The following DOK5 variants were observed in gnomAD, a reference collection of about 807,000 sequenced individuals.
The protein encoded by DOK5 is downstream of tyrosine kinase 5.
DOK5 carries 27 observed loss-of-function variants against 43.3 expected under a neutral mutation model. That is an observed-to-expected ratio of 0.62 (90% CI 0.46 to 0.86). The LOEUF (loss-of-function observed/expected upper bound fraction) is 0.86. Among genes scored for constraint, DOK5 ranks in the 40% least tolerant of loss-of-function variants. The probability of loss-of-function intolerance (pLI) is 0.00; values close to 1 mark genes in which losing one functional copy is unlikely to be tolerated. For missense variants in DOK5, 373 were observed against 392.9 expected (o/e 0.95, Z 0.43); for synonymous variants, 146 against 140.1 (o/e 1.04, Z -0.30).
intron 6 of DOK5, among the ~76,000 whole-genome samples, chr20:54,622,839 A>C (rs568134226): frequency 1.0e-3 from 156 of 152,246 alleles, no homozygotes; most frequent in Middle Eastern, 0.01. Flanking sequence ...AGATAGAAAT[A>C]GTGATGAGGA....
chr20:54,498,598 GTTTACT>G (rs1297522187), intron 1 of DOK5, among the ~76,000 whole-genome samples: 1 of 152,142 alleles, frequency 6.6e-6, no homozygotes, highest in African/African-American at 2.4e-5. Flanking sequence ...TTGATAATTT[GTTTACT>G]TTTAATTTTT....
rs189438267 is a variant in DOK5 at position 54,513,757 on chromosome 20, T to C, written c.66+37745T>C. On this transcript the variant is annotated intron_variant, in intron 1 of 7. Coordinates refer to ENST00000262593, the MANE Select transcript of DOK5 (RefSeq NM_018431.5). ...TGACTATCCTTTGTCTTCTGCAGAA[T>C]AGGGTAAAAAAGAAAACACAATTAT... 2.0e-5 allele frequency among the ~76,000 whole-genome samples: 3 copies of C among 152,304 alleles called. No homozygotes were observed. The East Asian group carries it at 5.8e-4, about 29-fold the overall frequency.
chr20:54,598,812 G>A (rs1055403078), intron 5 of DOK5, among the ~76,000 whole-genome samples: 7 of 152,102 alleles, frequency 4.6e-5, no homozygotes, highest in African/African-American at 1.7e-4. Context: ...GTTCACAAGC[G>A]GTTTTTGAAA....
At chr20:54,550,446 T>C (rs1422026994) in intron 1 of DOK5, among the ~76,000 whole-genome samples, 1 of 152,208 alleles carries the variant, frequency 6.6e-6, no homozygotes, top group Non-Finnish European at 1.5e-5. Flanking sequence ...GACATTGATA[T>C]TGATGTAGTC....
chr20:54,488,283 T>A (rs1420914966), intron 1 of DOK5, among the ~76,000 whole-genome samples: 2 of 152,210 alleles, frequency 1.3e-5, no homozygotes, highest in Non-Finnish European at 2.9e-5. Flanking sequence ...TTTGTCCTCT[T>A]GGAGAAGTCT....
chr20:54,583,710 C>G (rs1405809955), intron 2 of DOK5, among the ~76,000 whole-genome samples: 3 of 152,104 alleles, frequency 2.0e-5, no homozygotes. Flanking sequence ...CCCTACTCTT[C>G]TTTTGACTGC....
Position 54,503,736 on chromosome 20 carries a change from G to A in DOK5, c.66+27724G>A, listed in dbSNP as rs191133631. 6.2e-4 allele frequency among the ~76,000 whole-genome samples: 94 copies of A among 152,052 alleles called. 2 individuals carry two copies. The East Asian group carries it at 0.018, about 28-fold the overall frequency. Reference sequence around the variant, plus strand: ...ATTAGAGGTTTGGTTTGGGGATTTTGGGGATTATTTCTTTTGCACTTGTAG... The same window carrying A: ...ATTAGAGGTTTGGTTTGGGGATTTTAGGGATTATTTCTTTTGCACTTGTAG... On this transcript the variant is annotated intron_variant, in intron 1 of 7. Transcript: ENST00000262593.
rs142178894 is a variant in DOK5 at position 54,496,533 on chromosome 20, C to G, written c.66+20521C>G. ...CTGTAATCCCAGCACTTTGGGAGGC[C>G]AAGGCGGGTGGATCAGGAGGTCAGG... On this transcript the variant is annotated intron_variant, in intron 1 of 7. Coordinates refer to ENST00000262593, the MANE Select transcript of DOK5 (RefSeq NM_018431.5). 1.0e-2 allele frequency among the ~76,000 whole-genome samples: 1,520 copies of G among 152,026 alleles called. 29 individuals carry two copies. Among genetic ancestry groups the G allele is most frequent in the African/African-American group, 0.035 (1,447 of 41,472 alleles).
At chr20:54,577,192 T>A (rs6098097) in intron 2 of DOK5, among the ~76,000 whole-genome samples, 31,102 of 152,184 alleles carry the variant, frequency 0.2, 3,581 homozygotes, top group African/African-American at 0.3. Context: ...ACTTTATTGA[T>A]CCTTGTAATG....
intron 2 of DOK5, among the ~76,000 whole-genome samples, chr20:54,575,597 T>G (rs1425138028): frequency 6.6e-6 from 1 of 152,128 alleles, no homozygotes; most frequent in East Asian, 1.9e-4. Flanking sequence ...CCCGCCACCA[T>G]GCCTAGCTAA....
chr20:54,646,248 G>GTTTTATTTTTTTTTTTTTTTTTTTTTT (rs1979415277), intron 7 of DOK5, among the ~76,000 whole-genome samples: 1 of 79,922 alleles, frequency 1.3e-5, no homozygotes, highest in African/African-American at 5.3e-5. Context: ...TGGTTATACT[G>GTTTTATTTTTTTTTTTTTTTTTTTTTT]TTTTTTTTTT....
intron 2 of DOK5, among the ~76,000 whole-genome samples, chr20:54,571,136 G>A (rs1256604084): frequency 6.6e-6 from 1 of 152,148 alleles, no homozygotes; most frequent in Non-Finnish European, 1.5e-5. Flanking sequence ...TGGAATCACA[G>A]TACTTTGTGT....
At chr20:54,630,187 A>G (rs150902457) in intron 6 of DOK5, among the ~76,000 whole-genome samples, 4 of 152,292 alleles carry the variant, frequency 2.6e-5, no homozygotes, top group Non-Finnish European at 4.4e-5. Context: ...TATCTAGGTG[A>G]GCATCGGGGT....
chr20:54,614,682 T>C (rs575063075), intron 6 of DOK5, among the ~76,000 whole-genome samples: 1 of 152,356 alleles, frequency 6.6e-6, no homozygotes, highest in South Asian at 2.1e-4. Context: ...TTGCTCTTAA[T>C]TTGCTGTATG....
Position 54,591,626 on chromosome 20 carries a change from T to C in DOK5, c.420T>C (p.Asn140=), listed in dbSNP as rs1368545465. ...GVEREQSERF[N]VYLMPSPNLD... Reference sequence around the variant, plus strand: ...TTGTTTTTCTCCCAGAGAGATTCAATGTGTATTTGATGCCATCTCCTAACT... The same window carrying C: ...TTGTTTTTCTCCCAGAGAGATTCAACGTGTATTTGATGCCATCTCCTAACT... The change falls in exon 5 of 8, where the codon AAT becomes AAC. Residue 140 remains asparagine, a synonymous_variant. Transcript: ENST00000262593. 1 of 1,603,536 alleles carries C rather than the reference T, an allele frequency of 6.2e-7. No individual in the cohort carries two copies. Among genetic ancestry groups the C allele is most frequent in the Non-Finnish European group, 8.5e-7 (1 of 1,174,994 alleles).
intron 5 of DOK5, among the ~76,000 whole-genome samples, chr20:54,604,745 A>T (rs1036665879): frequency 1.3e-5 from 2 of 152,156 alleles, no homozygotes; most frequent in African/African-American, 4.8e-5. Flanking sequence ...TCATGCCTGT[A>T]ATCCCAGCAC....
At chr20:54,582,153 T>C (rs1985665979) in intron 2 of DOK5, among the ~76,000 whole-genome samples, 1 of 151,966 alleles carries the variant, frequency 6.6e-6, no homozygotes, top group Admixed American at 6.5e-5. Flanking sequence ...CTTTCTTCTG[T>C]TAATGTGGTG....
At chr20:54,648,356 A>C (rs557289632) in intron 7 of DOK5, among the ~76,000 whole-genome samples, 65 of 152,300 alleles carry the variant, frequency 4.3e-4, no homozygotes, top group Middle Eastern at 3.4e-3. Context: ...AGACATAGTT[A>C]ATTTCAGATT....
At chr20:54,649,954 T>G (rs1185303402) in intron 7 of DOK5, among the ~76,000 whole-genome samples, 2 of 152,190 alleles carry the variant, frequency 1.3e-5, no homozygotes, top group African/African-American at 2.4e-5. Context: ...TTCTTGACTT[T>G]TTAAACTCTG....
Sources: allele counts gnomAD v4.1 joint callset (sites outside exome capture counted in the v4.1 genomes callset), GRCh38; gene constraint gnomAD v4.1.1; transcripts MANE v1.5; gene names NCBI Gene and HGNC (gene_info 2026-07-23, HGNC 2026-07-21).